The following SETBP1 variants were observed in gnomAD, a reference collection of about 807,000 sequenced individuals.
The protein encoded by SETBP1 is SET binding protein 1.
A neutral mutation model predicts 101.0 loss-of-function variants in SETBP1; 9 were observed. The observed-to-expected ratio is 0.09, with a 90% CI of 0.05 to 0.16. The LOEUF (loss-of-function observed/expected upper bound fraction) is 0.16, where lower values mean the gene tolerates loss of function less well. Ranked by LOEUF, SETBP1 falls within the 10% of genes least tolerant of loss-of-function variation. The probability of loss-of-function intolerance (pLI) is 1.00; values close to 1 mark genes in which losing one functional copy is unlikely to be tolerated. For missense variants in SETBP1, 1,858 were observed against 2,033.8 expected (o/e 0.91, Z 1.66); for synonymous variants, 818 against 788.5 (o/e 1.04, Z -0.63).
At chr18:44,974,252 C>A (rs972431620) in intron 4 of SETBP1, among the ~76,000 whole-genome samples, 11 of 152,100 alleles carry the variant, frequency 7.2e-5, no homozygotes, top group Non-Finnish European at 2.9e-5. Flanking sequence ...TGCTTTAGAA[C>A]CATGGCTCTA....
chr18:44,734,526 C>G (rs1164217930), intron 2 of SETBP1, among the ~76,000 whole-genome samples: 2 of 152,204 alleles, frequency 1.3e-5, no homozygotes, highest in Non-Finnish European at 2.9e-5. Context: ...AGACTTATCT[C>G]TTACCAGTTT....
At chr18:44,723,880 A>G (rs1001060827) in intron 2 of SETBP1, among the ~76,000 whole-genome samples, 1 of 152,228 alleles carries the variant, frequency 6.6e-6, no homozygotes, top group Non-Finnish European at 1.5e-5. Context: ...AAGACAAAAG[A>G]TAAAACTGAC....
At chr18:45,045,255 CT>C (rs1163091474) in intron 5 of SETBP1, among the ~76,000 whole-genome samples, 3 of 152,204 alleles carry the variant, frequency 2.0e-5, no homozygotes, top group South Asian at 2.1e-4. Context: ...AACCCGCTCT[CT>C]ACTAAAAATA....
chr18:44,696,789 T>C (rs1347183411), intron 1 of SETBP1, among the ~76,000 whole-genome samples: 2 of 152,202 alleles, frequency 1.3e-5, no homozygotes, highest in East Asian at 1.9e-4. Context: ...AAAAGACTCA[T>C]AGTGGCTTGT....
intron 1 of SETBP1, among the ~76,000 whole-genome samples, chr18:44,690,182 A>G (rs1568091427): frequency 6.6e-6 from 1 of 152,252 alleles, no homozygotes; most frequent in African/African-American, 2.4e-5. Context: ...CCAAGTGTTT[A>G]ATGTATAATT....
intron 2 of SETBP1, among the ~76,000 whole-genome samples, chr18:44,837,573 G>T (rs1452518042): frequency 6.6e-6 from 1 of 152,136 alleles, no homozygotes; most frequent in Non-Finnish European, 1.5e-5. Context: ...GCATCACATG[G>T]ATGGGGTGGG....
chr18:44,842,213 A>G (rs1451340595), intron 2 of SETBP1, among the ~76,000 whole-genome samples: 1 of 152,232 alleles, frequency 6.6e-6, no homozygotes, highest in African/African-American at 2.4e-5. Context: ...GATGGTGGGC[A>G]TCAGGCTTCC....
At chr18:44,744,964 C>T (rs2058238152) in intron 2 of SETBP1, among the ~76,000 whole-genome samples, 1 of 151,962 alleles carries the variant, frequency 6.6e-6, no homozygotes, top group Non-Finnish European at 1.5e-5. Flanking sequence ...CTGAATGAAG[C>T]TGTTATGCGC....
chr18:44,770,889 C>A (rs2070857572), intron 2 of SETBP1, among the ~76,000 whole-genome samples: 1 of 152,054 alleles, frequency 6.6e-6, no homozygotes, highest in African/African-American at 2.4e-5. Context: ...TGACTCCAGA[C>A]CCAGGATTGT....
At chr18:44,747,076 C>T (rs995205394) in intron 2 of SETBP1, among the ~76,000 whole-genome samples, 16 of 152,184 alleles carry the variant, frequency 1.1e-4, no homozygotes, top group African/African-American at 3.9e-4. Flanking sequence ...TGCTGTGCTG[C>T]AAGCACTTAG....
chr18:44,955,899 C>G (rs1362686646), intron 4 of SETBP1, among the ~76,000 whole-genome samples: 1 of 152,180 alleles, frequency 6.6e-6, no homozygotes, highest in Non-Finnish European at 1.5e-5. Flanking sequence ...AGAAGACACT[C>G]GTTTATTCAA....
rs1359063050 is a variant in SETBP1 at position 44,806,291 on chromosome 18, G to GA, written c.487-62937dup. Among the ~76,000 whole-genome samples, 5 of 152,164 alleles carry GA rather than the reference G, an allele frequency of 3.3e-5. No homozygotes were observed. The East Asian group carries it at 9.6e-4, about 29-fold the overall frequency. ...GTTTTTGGCTTTTCTTAAAGCCTGT[G>GA]AATCTGTCTTCTGCCACTGGCATAT... is the stretch of plus-strand genomic sequence containing the variant. On this transcript the variant is annotated intron_variant, in intron 2 of 5. Coordinates refer to ENST00000649279, the MANE Select transcript of SETBP1 (RefSeq NM_015559.3).
chr18:44,878,817 G>A (rs896038822), intron 3 of SETBP1, among the ~76,000 whole-genome samples: 1 of 152,176 alleles, frequency 6.6e-6, no homozygotes, highest in Admixed American at 6.5e-5. Flanking sequence ...CATCCATTGA[G>A]AGGTGTCAAG....
chr18:44,762,724 T>C lies in SETBP1; in HGVS notation c.486+60892T>C, dbSNP rs186158431. 2.4e-4 allele frequency among the ~76,000 whole-genome samples: 37 copies of C among 152,336 alleles called. No individual in the cohort carries two copies. The East Asian group carries it at 6.9e-3, about 29-fold the overall frequency. ...AAAAAGCCAAGTCCTTCAAAGTATA[T>C]TTAACAGTTCCGTCACCATCAATGA... On this transcript the variant is annotated intron_variant, in intron 2 of 5. Transcript: ENST00000649279.
chr18:44,790,127 G>GA (rs576121352), intron 2 of SETBP1, among the ~76,000 whole-genome samples: 1 of 152,076 alleles, frequency 6.6e-6, no homozygotes, highest in South Asian at 2.1e-4. Flanking sequence ...GTTTTATGTG[G>GA]AAAAAAATAG....
At position 44,723,201 on chromosome 18, in the gene SETBP1, C is replaced by T. The variant is rs1345008597; in HGVS notation, c.486+21369C>T. Among the ~76,000 whole-genome samples, 8 of 152,186 alleles carry T rather than the reference C, an allele frequency of 5.3e-5. 1 individual carries two copies. Among genetic ancestry groups the T allele is most frequent in the South Asian group, 2.1e-4 (1 of 4,822 alleles). On this transcript the variant is annotated intron_variant, in intron 2 of 5. Transcript: ENST00000649279. ...TGTGAAGTGGGTAATCTTGCCTTTT[C>T]CTTCTCCTTCTCTTCCTCTCACTTC...
At chr18:45,042,325 T>C (rs112753215) in intron 5 of SETBP1, among the ~76,000 whole-genome samples, 19,297 of 152,026 alleles carry the variant, frequency 0.13, 1,866 homozygotes, top group African/African-American at 0.27. Context: ...AATTTTTGTA[T>C]TTTTAGTAGA....
rs140668112 is a variant in SETBP1 at position 44,869,591 on chromosome 18, G to A, written c.540+308G>A. On this transcript the variant is annotated intron_variant, in intron 3 of 5. Transcript: ENST00000649279. ...CTTAGGAAAGGGTTAAACCAATGGCGGCAGAGGGTGGGTTGGGTTTGGGGT... is the reference window on the plus strand; with the variant it reads ...CTTAGGAAAGGGTTAAACCAATGGCAGCAGAGGGTGGGTTGGGTTTGGGGT... 5.3e-5 allele frequency: 21 copies of A among 392,876 alleles called. 1 individual carries two copies. In the East Asian group the frequency reaches 8.7e-4, roughly 16 times the overall value. 24.3% of individuals were successfully genotyped at this position (392,876 alleles called of 1,614,324 possible). A position where few individuals can be genotyped will look rare whatever the true frequency, so the allele number is the denominator to read the frequency against.
intron 4 of SETBP1, among the ~76,000 whole-genome samples, chr18:44,966,201 A>G (rs976920113): frequency 3.3e-5 from 5 of 152,360 alleles, no homozygotes; most frequent in South Asian, 2.1e-4. Flanking sequence ...GTCTAAAACT[A>G]TCTGGCTTAA....
Sources: gnomAD v4.1 joint callset for allele counts (sites outside exome capture counted in the v4.1 genomes callset) on GRCh38, gnomAD v4.1.1 for gene constraint, MANE v1.5 for transcripts, NCBI Gene and HGNC (gene_info 2026-07-23, HGNC 2026-07-21) for gene names.